LIMS1: variants seen among roughly 807,000 people sequenced by gnomAD.
LIMS1 encodes LIM zinc finger domain containing 1.
In LIMS1, 18 loss-of-function variants were observed where a neutral mutation model predicts 44.1. The observed-to-expected ratio is 0.41, with a 90% CI of 0.28 to 0.61. The LOEUF (loss-of-function observed/expected upper bound fraction) is 0.61, where lower values mean the gene tolerates loss of function less well. Among genes scored for constraint, LIMS1 ranks in the 20% least tolerant of loss-of-function variants. The pLI is 0.32. For synonymous variants in LIMS1, 93 were observed against 149.1 expected (o/e 0.62, Z 2.74); for missense variants, 201 against 422.0 (o/e 0.48, Z 4.59).
At chr2:108,653,493 T>G (rs1300180741) in intron 1 of LIMS1, among the ~76,000 whole-genome samples, 2 of 151,304 alleles carry the variant, frequency 1.3e-5, no homozygotes, top group Non-Finnish European at 2.9e-5. Context: ...CTTGCGCCTG[T>G]TCTGTAGATT....
intron 1 of LIMS1, among the ~76,000 whole-genome samples, chr2:108,645,593 C>G (rs944355909): frequency 1.3e-5 from 2 of 152,006 alleles, no homozygotes; most frequent in Non-Finnish European, 2.9e-5. Context: ...AACTAACGGG[C>G]CAAAATAACA....
chr2:108,634,221 C>T (rs1448467215), intron 1 of LIMS1, among the ~76,000 whole-genome samples: 2 of 152,174 alleles, frequency 1.3e-5, no homozygotes, highest in Admixed American at 6.5e-5. Flanking sequence ...AGAAGGACTG[C>T]AGGGCTCTCT....
At chr2:108,552,395 A>G (rs1334860965) in intron 1 of LIMS1, among the ~76,000 whole-genome samples, 1 of 144,804 alleles carries the variant, frequency 6.9e-6, no homozygotes, top group Non-Finnish European at 1.5e-5. Flanking sequence ...AACTATATAT[A>G]CTATATATAC....
At chr2:108,638,087 C>T (rs1282136659) in intron 1 of LIMS1, among the ~76,000 whole-genome samples, 2 of 152,082 alleles carry the variant, frequency 1.3e-5, no homozygotes, top group East Asian at 1.9e-4. Context: ...CTCAAGTGAT[C>T]CTCCTGCCTC....
intron 1 of LIMS1, among the ~76,000 whole-genome samples, chr2:108,558,514 G>T (rs564485531): frequency 6.6e-6 from 1 of 151,900 alleles, no homozygotes; most frequent in Non-Finnish European, 1.5e-5. Flanking sequence ...GGGACGATTT[G>T]TGCGTTTTTA....
intron 1 of LIMS1, among the ~76,000 whole-genome samples, chr2:108,556,253 A>G (rs1446310243): frequency 1.3e-5 from 2 of 152,154 alleles, no homozygotes; most frequent in Non-Finnish European, 2.9e-5. Flanking sequence ...AGGTTCATCC[A>G]TGTTGTAGCT....
At chr2:108,664,914 T>G (rs1336170354) in intron 2 of LIMS1, among the ~76,000 whole-genome samples, 1 of 152,176 alleles carries the variant, frequency 6.6e-6, no homozygotes, top group Non-Finnish European at 1.5e-5. Context: ...TCTCTTTGCC[T>G]GAAAACATAT....
At chr2:108,642,333 G>T (rs1200719005) in intron 1 of LIMS1, among the ~76,000 whole-genome samples, 1 of 124,926 alleles carries the variant, frequency 8.0e-6, no homozygotes, top group African/African-American at 3.1e-5. Flanking sequence ...TAAGCTACTA[G>T]TGTTTTTTGT....
chr2:108,676,318 C>T (rs1234358310), intron 6 of LIMS1, among the ~76,000 whole-genome samples: 1 of 152,192 alleles, frequency 6.6e-6, no homozygotes, highest in Non-Finnish European at 1.5e-5. Context: ...GCAGGAAGTG[C>T]CATGGTCTGT....
intron 1 of LIMS1, among the ~76,000 whole-genome samples, chr2:108,635,453 A>G (rs1689178688): frequency 1.4e-5 from 2 of 147,368 alleles, no homozygotes; most frequent in African/African-American, 2.6e-5. Flanking sequence ...AAAAAAAAGA[A>G]TGGTTGTAAT....
chr2:108,553,960 C>T (rs1684840391), intron 1 of LIMS1, among the ~76,000 whole-genome samples: 1 of 152,018 alleles, frequency 6.6e-6, no homozygotes, highest in Non-Finnish European at 1.5e-5. Context: ...GCATGATTAT[C>T]CTCATTCTCT....
At chr2:108,597,266 TA>T (rs1464642418) in intron 1 of LIMS1, among the ~76,000 whole-genome samples, 6 of 152,036 alleles carry the variant, frequency 3.9e-5, no homozygotes, top group South Asian at 2.1e-4. Flanking sequence ...ACTCAACACT[TA>T]ACGACATTCA....
At chr2:108,685,171 ATAAT>A (rs1693234652) in exon 10 of LIMS1, 2 of 152,268 alleles carry the variant, frequency 1.3e-5, no homozygotes, top group African/African-American at 4.8e-5. Flanking sequence ...TTGAAATCTT[ATAAT>A]TAATTTGATT....
At chr2:108,636,425 G>C (rs917437157) in intron 1 of LIMS1, among the ~76,000 whole-genome samples, 1 of 152,244 alleles carries the variant, frequency 6.6e-6, no homozygotes, top group Admixed American at 6.5e-5. Flanking sequence ...CCCTGCAGGA[G>C]CTAGACACCG....
chr2:108,562,174 G>A (rs1008255297), intron 1 of LIMS1, among the ~76,000 whole-genome samples: 7 of 148,496 alleles, frequency 4.7e-5, no homozygotes, highest in African/African-American at 1.3e-4. Flanking sequence ...GCCATTTGCC[G>A]ATCTCTCACC....
chr2:108,573,223 A>G (rs1685544469), intron 1 of LIMS1, among the ~76,000 whole-genome samples: 1 of 152,074 alleles, frequency 6.6e-6, no homozygotes, highest in Non-Finnish European at 1.5e-5. Context: ...TTTATTGCAG[A>G]GTGATTACAA....
At chr2:108,654,943 C>T (rs539859166) in intron 1 of LIMS1, 33 of 1,515,232 alleles carry the variant, frequency 2.2e-5, no homozygotes, top group African/African-American at 2.8e-5. Flanking sequence ...GTGACCCTGG[C>T]GGGCCAGGCT....
intron 1 of LIMS1, among the ~76,000 whole-genome samples, chr2:108,600,891 T>TTCTTCTCTTCTCTTCTCTTCTCTTC (rs150372618): frequency 0.028 from 2,589 of 90,846 alleles, 99 homozygotes; most frequent in African/African-American, 0.091. Flanking sequence ...GAATTGTTCG[T>TTCTTCTCTTCTCTTCTCTTCTCTTC]TCTTCTCTTC....
chr2:108,672,165 CAAAAAAAAAA>C (rs559219796), intron 3 of LIMS1, among the ~76,000 whole-genome samples, 150 bp from the exon 4 acceptor site: 25 of 56,832 alleles, frequency 4.4e-4, no homozygotes, highest in Non-Finnish European at 8.0e-4. Context: ...GAAACTGTCT[CAAAAAAAAAA>C]AAAAAAAAAA....
Sources: gnomAD v4.1 joint callset for allele counts (sites outside exome capture counted in the v4.1 genomes callset) on GRCh38, gnomAD v4.1.1 for gene constraint, MANE v1.5 for transcripts, NCBI Gene and HGNC (gene_info 2026-07-23, HGNC 2026-07-21) for gene names.